HDAC7: variants seen among roughly 807,000 people sequenced by gnomAD.
HDAC7 encodes histone deacetylase 7A.
In HDAC7, 26 loss-of-function variants were observed where a neutral mutation model predicts 115.5. That is an observed-to-expected ratio of 0.23 (90% CI 0.16 to 0.31). The LOEUF (loss-of-function observed/expected upper bound fraction) is 0.31. Ranked by LOEUF, HDAC7 falls within the 10% of genes least tolerant of loss-of-function variation. HDAC7 has a pLI of 1.00. For missense variants in HDAC7, 1,068 were observed against 1,329.0 expected, an observed-to-expected ratio of 0.80 and a Z score of 3.05; for synonymous variants, 564 against 550.9, an observed-to-expected ratio of 1.02 and a Z score of -0.33.
At position 47,797,123 on chromosome 12, in the gene HDAC7, C is replaced by T. The variant is rs779202900; in HGVS notation, c.597G>A (p.Lys199=). 6.2e-7 allele frequency: 1 copy of T among 1,601,882 alleles called. No individual in the cohort carries two copies. Among genetic ancestry groups the T allele is most frequent in the East Asian group, 2.2e-5 (1 of 44,720 alleles). The part of the protein sequence containing the change: ...LRKTVSEPNL[K]LRYKPKKSLE... The stretch of plus-strand genomic sequence containing the variant: ...GGGACTTCTTGGGCTTATAGCGCAG[C>T]TTCAGGTTGGGCTCAGAGACTGCAG... The change falls in exon 7 of 26, where the codon AAG becomes AAA. Residue 199 remains lysine (K), a synonymous_variant. Transcript: ENST00000080059. The surrounding 1 kb of genome is among the most constrained non-coding windows in gnomAD (Gnocchi z 5.5).
chr12:47,792,830 A>G (rs1166296656), intron 13 of HDAC7: 2 of 382,458 alleles, frequency 5.2e-6, no homozygotes, highest in East Asian at 1.5e-4. Context: ...TATGCCAAGA[A>G]GGATTCATAA....
In HDAC7 at chr12:47,787,703, A is replaced by G; in HGVS notation, c.2453+9T>C. On this transcript the variant is annotated intron_variant, in intron 21 of 25. Coordinates refer to ENST00000080059, the MANE Select transcript of HDAC7 (RefSeq NM_015401.5). ...TGGACTTGCCCCTCTGGGCCCCCAG[A>G]GCACGTACCTGAAAGCAGCCAGGTA... 1 of 1,598,162 alleles carries G rather than the reference A, an allele frequency of 6.3e-7. No homozygotes were observed. Among genetic ancestry groups the G allele is most frequent in the Non-Finnish European group, 8.5e-7 (1 of 1,171,400 alleles).
intron 1 of HDAC7, among the ~76,000 whole-genome samples, chr12:47,811,371 C>T (rs891681226): frequency 6.6e-6 from 1 of 152,158 alleles, no homozygotes; most frequent in Admixed American, 6.5e-5. Flanking sequence ...TGGCATGGTC[C>T]TGGGTACTGA....
In HDAC7 at chr12:47,794,938, G is replaced by A. The variant is rs1482637129; in HGVS notation, c.1285-5C>T. ...CTCACTCGGCTTGGCTGACCTCTGG[G>A]GAGGGGAGAACCTGGCTGAGAAGCC... On this transcript the variant is annotated splice_polypyrimidine_tract_variant and splice_region_variant and intron_variant, in intron 11 of 25. Transcript: ENST00000080059. 6.2e-7 allele frequency: 1 copy of A among 1,609,230 alleles called. No individual in the cohort carries two copies. The highest frequency in any genetic ancestry group is 1.7e-5 in the Admixed American group (1 of 59,586).
intron 1 of HDAC7, among the ~76,000 whole-genome samples, chr12:47,806,397 C>A (rs564801739): frequency 6.6e-6 from 1 of 152,366 alleles, no homozygotes; most frequent in South Asian, 2.1e-4. Context: ...CTACTTCAGG[C>A]TGGGCGAGGT....
intron 1 of HDAC7, chr12:47,802,483 T>A: frequency 6.4e-7 from 1 of 1,551,044 alleles, no homozygotes; most frequent in Admixed American, 2.0e-5. Flanking sequence ...GGCTCCCAGC[T>A]CCCTCTTCCT....
chr12:47,785,708 T>C (rs1943140307), intron 23 of HDAC7, 44 bp downstream of exon 23: 2 of 1,576,322 alleles, frequency 1.3e-6, no homozygotes, highest in Non-Finnish European at 1.7e-6. Flanking sequence ...GAGCCGGGCT[T>C]ACCTGCCTGA....
chr12:47,802,565 A>T (rs1048919601), intron 1 of HDAC7: 2 of 1,239,848 alleles, frequency 1.6e-6, no homozygotes, highest in South Asian at 2.6e-5. Flanking sequence ...CTCACCCAGC[A>T]GTGCCCTCAG....
intron 1 of HDAC7, among the ~76,000 whole-genome samples, chr12:47,805,558 G>C (rs1011099955): frequency 2.6e-5 from 4 of 152,208 alleles, no homozygotes; most frequent in Non-Finnish European, 5.9e-5. Context: ...TCTCCATGGG[G>C]CTGGCAGAGA....
intron 1 of HDAC7, chr12:47,802,551 T>A: frequency 7.0e-7 from 1 of 1,422,148 alleles, no homozygotes; most frequent in Non-Finnish European, 9.7e-7. Context: ...TAAGGAGGCC[T>A]CAGCTCACCC....
In HDAC7 at chr12:47,809,002, C is replaced by G. The variant is rs739840; in HGVS notation, c.20-6728G>C. Among the ~76,000 whole-genome samples, 9 of 152,332 alleles carry G rather than the reference C, an allele frequency of 5.9e-5. No individual in the cohort carries two copies. The East Asian group carries it at 1.7e-3, about 29-fold the overall frequency. On this transcript the variant is annotated intron_variant, in intron 1 of 25. Coordinates refer to ENST00000080059, the MANE Select transcript of HDAC7 (RefSeq NM_015401.5). ...CATCCTGAGCAGGCAAGATTTGAGG[C>G]CCTATCTGTAACATGGGGATAAGTC...
At position 47,786,568 on chromosome 12, in the gene HDAC7, A is replaced by C; in HGVS notation, c.2572+17T>G. On this transcript the variant is annotated intron_variant, in intron 22 of 25. Coordinates refer to ENST00000080059, the MANE Select transcript of HDAC7 (RefSeq NM_015401.5). ...GCTCTCTGTCCCTAACGTCCCCCTC[A>C]GCTGAGGCTCCCTTACATTTGGCAG... The C allele has an allele frequency of 6.4e-7, 1 of 1,572,692 alleles. No homozygotes were observed. Among genetic ancestry groups the C allele is most frequent in the East Asian group, 2.2e-5 (1 of 44,682 alleles).
chr12:47,795,957 C>G lies in HDAC7; in HGVS notation c.855G>C (p.Pro285=). ...QETSVAPFAL[P]TVSLLPAITL... is the part of the protein sequence containing the mutation. ...TGATTGCGGGCAGCAAGGACACTGT[C>G]GGCAAGGCGAACGGGGCCACAGAAG... The change falls in exon 9 of 26, where the codon CCG becomes CCC. Residue 285 remains proline, a synonymous_variant. Coordinates refer to ENST00000080059, the MANE Select transcript of HDAC7 (RefSeq NM_015401.5). The surrounding 1 kb of genome is among the most constrained non-coding windows in gnomAD (Gnocchi z 4.3). The G allele has an allele frequency of 6.4e-7, 1 of 1,550,540 alleles. No individual in the cohort carries two copies. Among genetic ancestry groups the G allele is most frequent in the South Asian group, 1.2e-5 (1 of 84,116 alleles).
rs1263978671 is a variant in HDAC7, at chr12:47,804,608, CTCT to C, written c.20-2337_20-2335del. 2.0e-5 allele frequency among the ~76,000 whole-genome samples: 3 copies of C among 152,086 alleles called. No individual in the cohort carries two copies. The East Asian group carries it at 5.8e-4, about 29-fold the overall frequency. ...CAGGGCTCTTTGCCAGGTTGGAGAG[CTCT>C]TCTTTTTGGAATCCTGGCTACTCCC... On this transcript the variant is annotated intron_variant, in intron 1 of 25. Coordinates refer to ENST00000080059, the MANE Select transcript of HDAC7 (RefSeq NM_015401.5).
Position 47,793,420 on chromosome 12 carries a change from G to C in HDAC7, c.1627C>G (p.Arg543Gly), listed in dbSNP as rs772716842. 107 of 1,561,200 alleles carry C rather than the reference G, an allele frequency of 6.9e-5. No individual in the cohort carries two copies. Among genetic ancestry groups the C allele is most frequent in the Middle Eastern group, 5.8e-4 (3 of 5,182 alleles). The part of the protein sequence containing the change: ...LSAPEPASQA[R>G]VLSSSETPAR... The stretch of plus-strand genomic sequence containing the variant: ...GGGGTCTCTGAGCTGGAGAGGACTC[G>C]GGCCTGGCTGGCAGGCTCTGGGGCT... Residue 543 changes from arginine to glycine, a missense_variant, in exon 13 of 26, where the codon CGA becomes GGA. By Grantham distance (125) the Arg-to-Gly change is moderately radical (BLOSUM62 -2). Transcript: ENST00000080059. This position sits in a 1 kb window ranked among gnomAD's most constrained non-coding sequence, Gnocchi z 4.5.
chr12:47,801,670 G>A (rs578245172), intron 2 of HDAC7, among the ~76,000 whole-genome samples: 1 of 152,186 alleles, frequency 6.6e-6, no homozygotes, highest in Non-Finnish European at 1.5e-5. Context: ...GGCAGACCGC[G>A]TCTAGTCCAG....
intron 1 of HDAC7, among the ~76,000 whole-genome samples, chr12:47,811,201 A>G (rs543632941): frequency 1.3e-5 from 2 of 152,264 alleles, no homozygotes; most frequent in Non-Finnish European, 2.9e-5. Context: ...CCTTTTGCCT[A>G]TTACTTTGGA....
Position 47,797,324 on chromosome 12 carries a change from C to G in HDAC7, c.577+60G>C, listed in dbSNP as rs1361718304. 1.3e-6 allele frequency: 2 copies of G among 1,510,204 alleles called. No homozygotes were observed. The highest frequency in any genetic ancestry group is 1.8e-6 in the Non-Finnish European group (2 of 1,086,842). 93.6% of individuals were successfully genotyped at this position (1,510,204 alleles called of 1,614,324 possible). A position where few individuals can be genotyped will look rare whatever the true frequency, so the allele number is the denominator to read the frequency against. On this transcript the variant is annotated intron_variant, in intron 6 of 25. Coordinates refer to ENST00000080059, the MANE Select transcript of HDAC7 (RefSeq NM_015401.5). This position sits in a 1 kb window ranked among gnomAD's most constrained non-coding sequence, Gnocchi z 5.5. ...CGCCCACCCCTGCACACTCCTCCCC[C>G]ATGTCCGAGGCCCTTCCCCCTTCCT...
At chr12:47,814,025 G>C (rs1025154441) in intron 1 of HDAC7, among the ~76,000 whole-genome samples, 1 of 152,226 alleles carries the variant, frequency 6.6e-6, no homozygotes, top group African/African-American at 2.4e-5. Flanking sequence ...GGGGTGAAGC[G>C]TAGAGCTGCA....
Sources: allele counts gnomAD v4.1 joint callset (sites outside exome capture counted in the v4.1 genomes callset), GRCh38; gene constraint gnomAD v4.1.1; non-coding constraint Gnocchi (gnomAD v3.1); transcripts MANE v1.5; gene names NCBI Gene and HGNC (gene_info 2026-07-23, HGNC 2026-07-21).